The following TRPV1 variants were observed in gnomAD, a reference collection of about 807,000 sequenced individuals.
TRPV1 encodes the protein transient receptor potential cation channel subfamily V member 1, also known as OTRPC1.
TRPV1 carries 82 observed loss-of-function variants against 82.3 expected under a neutral mutation model. The observed-to-expected ratio is 1.00, with a 90% CI of 0.83 to 1.20. The LOEUF is 1.20. TRPV1 is among the 50% of genes most tolerant of loss of function. The pLI is 0.00. For missense variants in TRPV1, 1,067 were observed against 1,096.8 expected, an observed-to-expected ratio of 0.97 and a Z score of 0.38; for synonymous variants, 515 against 467.7, an observed-to-expected ratio of 1.10 and a Z score of -1.30.
Position 3,571,558 on chromosome 17 carries a change from C to T in TRPV1, c.2313G>A (p.Lys771=). ...ACCGCAGGGAGAAGCTCAGGGTGCG[C>T]TTGACGCCCTCACAGTTGCCCGGGT... ...NEDPGNCEGV[K]RTLSFSLRSS... Residue 771 remains lysine (K), a synonymous_variant, in exon 16 of 17, where the codon AAG becomes AAA. Transcript: ENST00000572705. 6.2e-7 allele frequency: 1 copy of T among 1,611,260 alleles called. No homozygotes were observed. The highest frequency in any genetic ancestry group is 8.5e-7 in the Non-Finnish European group (1 of 1,178,850).
intron 16 of TRPV1, among the ~76,000 whole-genome samples, chr17:3,569,584 AAAG>A (rs1034718842): frequency 5.9e-5 from 9 of 152,356 alleles, no homozygotes; most frequent in Admixed American, 1.3e-4. Context: ...CCTTTGAGTT[AAAG>A]AAGAAGAAAT....
intron 2 of TRPV1, among the ~76,000 whole-genome samples, chr17:3,596,713 G>A (rs1171203265): frequency 6.6e-6 from 1 of 152,208 alleles, no homozygotes; most frequent in Non-Finnish European, 1.5e-5. Context: ...GGCACCACAA[G>A]TTCGCTTCAG....
At chr17:3,602,345 T>C (rs1007941003) in intron 2 of TRPV1, 3 of 152,336 alleles carry the variant, frequency 2.0e-5, no homozygotes, top group East Asian at 1.9e-4. Flanking sequence ...CAGGAAACGT[T>C]TGTTGGCGTG....
At chr17:3,605,443 G>A (rs2075290716) in intron 2 of TRPV1, among the ~76,000 whole-genome samples, 1 of 151,998 alleles carries the variant, frequency 6.6e-6, no homozygotes, top group Non-Finnish European at 1.5e-5. Context: ...CCGGGAGGCT[G>A]AGGTTGTAGT....
Position 3,566,805 on chromosome 17 carries a change from C to G in TRPV1, c.*10G>C. ...GGCCCAGTGTTGACAGTGCTGTCTG[C>G]GTGACGTCCTCACTTCTCCCCGGAA... On this transcript the variant is annotated 3_prime_UTR_variant, in exon 17 of 17. Transcript: ENST00000572705. 6.2e-7 allele frequency: 1 copy of G among 1,612,614 alleles called. No homozygotes were observed. Among genetic ancestry groups the G allele is most frequent in the African/African-American group, 1.3e-5 (1 of 75,036 alleles).
rs757228620 is a variant in TRPV1 at position 3,572,132 on chromosome 17, A to C, written c.2221T>G (p.Trp741Gly). 6.8e-5 allele frequency: 109 copies of C among 1,613,216 alleles called. No homozygotes were observed. Among genetic ancestry groups the C allele is most frequent in the Non-Finnish European group, 8.5e-5 (100 of 1,179,550 alleles). Residue 741 changes from tryptophan (W) to glycine (G), a missense_variant, in exon 15 of 17, where the codon TGG (tryptophan) becomes GGG (glycine). Coordinates refer to ENST00000572705, the MANE Select transcript of TRPV1 (RefSeq NM_080704.4). ...GAGCCTGGGCATTACCTGAAGCACC[A>C]CCGGTAGTCGTCCTTGCCATCAGGT... Reference protein sequence around the residue: ...YTPDGKDDYRWCFRVDEVNWT... With the variant: ...YTPDGKDDYRGCFRVDEVNWT...
Position 3,585,831 on chromosome 17 carries a change from C to T in TRPV1, c.1320G>A (p.Leu440=), listed in dbSNP as rs1483760655. 1.2e-6 allele frequency: 2 copies of T among 1,613,934 alleles called. No homozygotes were observed. The highest frequency in any genetic ancestry group is 1.7e-6 in the Non-Finnish European group (2 of 1,179,874). ...AGATGATCATGTACAGGCAGTAGACCAGGAAGTTGAAGTAGAAGATGCGCT... is the reference window on the plus strand; with the variant it reads ...AGATGATCATGTACAGGCAGTAGACTAGGAAGTTGAAGTAGAAGATGCGCT... The part of the protein sequence containing the change: ...FVKRIFYFNF[L]VYCLYMIIFT... Residue 440 remains leucine, a synonymous_variant, in exon 9 of 17, where the codon CTG becomes CTA. Transcript: ENST00000572705.
chr17:3,592,634 A>G (rs559108130), intron 2 of TRPV1: 79 of 485,388 alleles, frequency 1.6e-4, no homozygotes, highest in Non-Finnish European at 2.8e-4. Context: ...GAGGGTGGAC[A>G]GGCCCCCGGC....
chr17:3,570,113 G>A (rs1439779836), intron 16 of TRPV1, among the ~76,000 whole-genome samples: 5 of 152,080 alleles, frequency 3.3e-5, no homozygotes, highest in African/African-American at 7.2e-5. Flanking sequence ...AAAAAGGCCC[G>A]GCATGGTGGC....
Position 3,592,377 on chromosome 17 carries a change from G to A in TRPV1, c.-27C>T. 1 of 1,568,154 alleles carries A rather than the reference G, an allele frequency of 6.4e-7. No homozygotes were observed. Among genetic ancestry groups the A allele is most frequent in the Non-Finnish European group, 8.6e-7 (1 of 1,156,730 alleles). On this transcript the variant is annotated 5_prime_UTR_variant, in exon 3 of 17. Coordinates refer to ENST00000572705, the MANE Select transcript of TRPV1 (RefSeq NM_080704.4). The stretch of plus-strand genomic sequence containing the variant: ...CTTGCTGGATCCTCTGTGGCCCAGT[G>A]TGCAACCTGCAGCAGCCACCACGCC...
chr17:3,582,366 C>T (rs1362932772), intron 10 of TRPV1, among the ~76,000 whole-genome samples: 1 of 151,408 alleles, frequency 6.6e-6, no homozygotes, highest in Admixed American at 6.6e-5. Flanking sequence ...AGCAAGACCC[C>T]ATCTTATAAA....
chr17:3,581,775 C>G (rs958706455), intron 10 of TRPV1, among the ~76,000 whole-genome samples: 8 of 146,782 alleles, frequency 5.5e-5, no homozygotes, highest in Non-Finnish European at 9.0e-5. Flanking sequence ...GTCCCAGCTA[C>G]TCGGGAGGCT....
intron 9 of TRPV1, among the ~76,000 whole-genome samples, chr17:3,584,274 A>T (rs547649413): frequency 6.6e-6 from 1 of 151,654 alleles, no homozygotes; most frequent in African/African-American, 2.4e-5. Context: ...AAAAAACAAA[A>T]AACAAAAAAC....
chr17:3,571,190 GAGGAGGCAGGGCAGCCCATACA>G (rs1233559148), intron 16 of TRPV1, among the ~76,000 whole-genome samples: 1 of 152,340 alleles, frequency 6.6e-6, no homozygotes, highest in East Asian at 1.9e-4. Flanking sequence ...GAACAGGGCT[GAGGAGGCAGGGCAGCCCATACA>G]AGGAGGCAGG....
At chr17:3,588,923 C>T in intron 7 of TRPV1, 1 of 1,535,830 alleles carries the variant, frequency 6.5e-7, no homozygotes, top group Non-Finnish European at 8.7e-7. Flanking sequence ...CCCAGCTCTA[C>T]CATCTCACCA....
chr17:3,589,683 G>C, intron 7 of TRPV1, 124 bp downstream of exon 7: 2 of 1,191,696 alleles, frequency 1.7e-6, no homozygotes, highest in Non-Finnish European at 2.3e-6. Flanking sequence ...CTACAGGCTG[G>C]TATGACAGAA....
chr17:3,583,509 T>G, intron 9 of TRPV1, 79 bp from the exon 10 acceptor site: 2 of 1,190,442 alleles, frequency 1.7e-6, no homozygotes, highest in Admixed American at 2.0e-5. Flanking sequence ...CATGAAGCCA[T>G]AGTCCCTGCC....
Position 3,566,786 on chromosome 17 carries a change from GTGTTGACAGTGC to G in TRPV1, c.*17_*28del. The G allele has an allele frequency of 6.2e-7, 1 of 1,609,496 alleles. No homozygotes were observed. The highest frequency in any genetic ancestry group is 8.5e-7 in the Non-Finnish European group (1 of 1,177,704). On this transcript the variant is annotated 3_prime_UTR_variant, in exon 17 of 17. Transcript: ENST00000572705. ...TGGCAACGGGGTCTCCTAAGGCCCAGTGTTGACAGTGCTGTCTGCGTGACGTCCTCACTTCTC... is the reference window on the plus strand; with the variant it reads ...TGGCAACGGGGTCTCCTAAGGCCCAGTGTCTGCGTGACGTCCTCACTTCTC...
At chr17:3,605,437 G>A (rs11870416) in intron 2 of TRPV1, among the ~76,000 whole-genome samples, 21,370 of 151,948 alleles carry the variant, frequency 0.14, 4,974 homozygotes, top group African/African-American at 0.49. Context: ...TGGAACCCGG[G>A]AGGCTGAGGT....
Sources: allele counts gnomAD v4.1 joint callset (sites outside exome capture counted in the v4.1 genomes callset), GRCh38; gene constraint gnomAD v4.1.1; transcripts MANE v1.5; gene names NCBI Gene and HGNC (gene_info 2026-07-23, HGNC 2026-07-21).